Variants in NOX4 observed in about 807,000 individuals in gnomAD.
NOX4 encodes kidney oxidase-1.
A neutral mutation model predicts 87.6 loss-of-function variants in NOX4; 69 were observed. That is an observed-to-expected ratio of 0.79 (90% CI 0.65 to 0.96). The LOEUF (loss-of-function observed/expected upper bound fraction) is 0.96, where lower values mean the gene tolerates loss of function less well. Ranked by LOEUF, NOX4 falls within the 40% of genes least tolerant of loss-of-function variation. The probability of loss-of-function intolerance (pLI) is 0.00; values close to 1 mark genes in which losing one functional copy is unlikely to be tolerated. For missense variants in NOX4, 680 were observed against 681.5 expected, an observed-to-expected ratio of 1.00 and a Z score of 0.02; for synonymous variants, 275 against 238.2, an observed-to-expected ratio of 1.15 and a Z score of -1.42.
At chr11:89,548,005 G>GA in the NOX4 span, 1 of 151,728 alleles carries the variant, frequency 6.6e-6, no homozygotes, top group Non-Finnish European at 1.5e-5. Context: ...AAAGAAAAAA[G>GA]AAAAACCTTG....
chr11:89,430,739 G>T (rs1451435124), intron 7 of NOX4, among the ~76,000 whole-genome samples: 3 of 152,016 alleles, frequency 2.0e-5, no homozygotes, highest in South Asian at 2.1e-4. Flanking sequence ...TCCATGCTCA[G>T]GGATAGGAAG....
intron 2 of NOX4, among the ~76,000 whole-genome samples, chr11:89,483,947 T>C (rs1458073494): frequency 1.3e-5 from 2 of 152,098 alleles, no homozygotes; most frequent in African/African-American, 4.8e-5. Flanking sequence ...GAGTCCTGCT[T>C]CTGTCCCTCA....
chr11:89,398,162 A>G (rs1591116170), intron 11 of NOX4, among the ~76,000 whole-genome samples: 1 of 152,084 alleles, frequency 6.6e-6, no homozygotes. Context: ...CTGGTTCAAC[A>G]TATGCAAATC....
intron 6 of NOX4, among the ~76,000 whole-genome samples, chr11:89,438,171 T>C (rs182659136): frequency 6.7e-6 from 1 of 148,808 alleles, no homozygotes; most frequent in Non-Finnish European, 1.5e-5. Flanking sequence ...GGTAGTGAGA[T>C]TACCTGCTTA....
intron 6 of NOX4, among the ~76,000 whole-genome samples, chr11:89,433,603 A>C (rs1330779953): frequency 6.6e-6 from 1 of 152,118 alleles, no homozygotes; most frequent in African/African-American, 2.4e-5. Context: ...AATAAAGCCT[A>C]AAGTGTTTTC....
At chr11:89,472,089 T>A (rs1350853682) in intron 2 of NOX4, among the ~76,000 whole-genome samples, 1 of 152,152 alleles carries the variant, frequency 6.6e-6, no homozygotes, top group Non-Finnish European at 1.5e-5. Flanking sequence ...AGGTTTCATA[T>A]GAAAACAATG....
chr11:89,460,197 T>C (rs1339833738), intron 2 of NOX4, among the ~76,000 whole-genome samples: 8 of 151,674 alleles, frequency 5.3e-5, no homozygotes, highest in South Asian at 2.1e-4. Flanking sequence ...AGACCTAAAA[T>C]CAAAAAAACC....
At chr11:89,578,230 C>T in the NOX4 span, among the ~76,000 whole-genome samples, 2 of 151,486 alleles carry the variant, frequency 1.3e-5, no homozygotes, top group African/African-American at 2.4e-5. Context: ...GGCGTGATCA[C>T]GGCTTACTGC....
chr11:89,449,814 T>C (rs567047655), intron 3 of NOX4, among the ~76,000 whole-genome samples: 49 of 152,194 alleles, frequency 3.2e-4, no homozygotes, highest in African/African-American at 1.2e-3. Context: ...TCAACACTAA[T>C]GGCATTAGAT....
In NOX4 at chr11:89,418,422, G is replaced by GAATAATAAT. The variant is rs113480992; in HGVS notation, c.629+3471_629+3479dup. Among the ~76,000 whole-genome samples the GAATAATAAT allele has an allele frequency of 8.7e-3, 1,211 of 139,730 alleles. 10 individuals carry two copies. The highest frequency in any genetic ancestry group is 0.011 in the Non-Finnish European group (738 of 64,354). 91.7% of individuals were successfully genotyped at this position (139,730 alleles called of 152,430 possible). ...TCCTATTCTCTCAGCTGAACATTGA[G>GAATAATAAT]AATAATAATAATAATAATAATAATA... is the stretch of plus-strand genomic sequence containing the variant. On this transcript the variant is annotated intron_variant, in intron 8 of 17. Transcript: ENST00000263317.
intron 11 of NOX4, among the ~76,000 whole-genome samples, chr11:89,389,834 TA>T (rs1565227384): frequency 6.6e-6 from 1 of 152,138 alleles, no homozygotes; most frequent in Non-Finnish European, 1.5e-5. Context: ...CTACCTCAAC[TA>T]AATGTGTGAC....
chr11:89,528,082 A>G, the NOX4 span, among the ~76,000 whole-genome samples: 4 of 152,326 alleles, frequency 2.6e-5, no homozygotes, highest in East Asian at 7.7e-4. Flanking sequence ...GATGTGAGAC[A>G]TGGAGTCAAA....
intron 11 of NOX4, among the ~76,000 whole-genome samples, chr11:89,380,727 G>A (rs1388388391): frequency 2.0e-5 from 3 of 152,066 alleles, no homozygotes; most frequent in Admixed American, 6.5e-5. Context: ...GCAGTTAGAT[G>A]ATGTTTACAT....
chr11:89,385,108 A>G (rs566215445), intron 11 of NOX4, among the ~76,000 whole-genome samples: 40 of 152,028 alleles, frequency 2.6e-4, no homozygotes, highest in Non-Finnish European at 5.6e-4. Flanking sequence ...TGGAGCCCTC[A>G]CTCTTGCAAA....
At chr11:89,395,700 C>G (rs1176624625) in intron 11 of NOX4, among the ~76,000 whole-genome samples, 1 of 152,098 alleles carries the variant, frequency 6.6e-6, no homozygotes, top group Admixed American at 6.6e-5. Context: ...AGGAAGGGAT[C>G]CAGTTTCAGC....
intron 6 of NOX4, among the ~76,000 whole-genome samples, chr11:89,438,824 A>T (rs1357171217): frequency 8.3e-5 from 4 of 48,036 alleles, no homozygotes; most frequent in African/African-American, 1.9e-4. Flanking sequence ...TATATTATAT[A>T]ATATCTTATA....
chr11:89,478,518 G>A (rs1389951336), intron 2 of NOX4, among the ~76,000 whole-genome samples: 3 of 152,134 alleles, frequency 2.0e-5, no homozygotes, highest in Non-Finnish European at 2.9e-5. Flanking sequence ...GTTGATATTT[G>A]AGCTGATAGA....
the NOX4 span, among the ~76,000 whole-genome samples, chr11:89,533,294 A>G: frequency 6.6e-6 from 1 of 152,138 alleles, no homozygotes; most frequent in Non-Finnish European, 1.5e-5. Flanking sequence ...TTCTTCCTTT[A>G]TATCAGTCTT....
rs904243940 is a variant in NOX4 at position 89,325,703 on chromosome 11, G to T, written c.*1053C>A. 2 of 151,954 alleles carry T rather than the reference G, an allele frequency of 1.3e-5. No homozygotes were observed. The highest frequency in any genetic ancestry group is 4.8e-5 in the African/African-American group (2 of 41,392). The allele number at this position is 151,954 out of a possible 1,614,324, so 9.4% of individuals were successfully genotyped here. On this transcript the variant is annotated 3_prime_UTR_variant, in exon 18 of 18. Coordinates refer to ENST00000263317, the MANE Select transcript of NOX4 (RefSeq NM_016931.5). ...TGTCTCCATCATAAACCAATGTGTG[G>T]CAAAGGAGATAAATCTTATATTCAG...
Sources: allele counts gnomAD v4.1 joint callset (sites outside exome capture counted in the v4.1 genomes callset), GRCh38; gene constraint gnomAD v4.1.1; transcripts MANE v1.5; gene names NCBI Gene and HGNC (gene_info 2026-07-23, HGNC 2026-07-21).